The following TRDN variants were observed in gnomAD, a reference collection of about 807,000 sequenced individuals.
TRDN encodes the protein triadin in skeletal muscle.
A neutral mutation model predicts 149.7 loss-of-function variants in TRDN; 161 were observed. The ratio of observed to expected loss-of-function variants is 1.08; its 90% CI spans 0.95 to 1.23. The LOEUF (loss-of-function observed/expected upper bound fraction) is 1.23. Among genes scored for constraint, TRDN ranks in the 50% most tolerant of loss-of-function variants. TRDN has a pLI of 0.00. For synonymous variants in TRDN, 294 were observed against 250.5 expected, an observed-to-expected ratio of 1.17 and a Z score of -1.64; for missense variants, 896 against 823.5, an observed-to-expected ratio of 1.09 and a Z score of -1.08.
chr6:123,619,585 G>A (rs761649047), intron 1 of TRDN, among the ~76,000 whole-genome samples: 5 of 152,158 alleles, frequency 3.3e-5, no homozygotes, highest in Non-Finnish European at 5.9e-5. Flanking sequence ...ATACAAGTCT[G>A]TTTGTGTTTA....
At chr6:123,222,869 C>A (rs935492216) in intron 39 of TRDN, among the ~76,000 whole-genome samples, 5 of 151,710 alleles carry the variant, frequency 3.3e-5, no homozygotes, top group African/African-American at 9.7e-5. Flanking sequence ...TGAAGACATA[C>A]ATTCAATCAA....
rs567049204 is a variant in TRDN, at chr6:123,525,216, G to GA, written c.484+5289dup. 1.4e-3 allele frequency among the ~76,000 whole-genome samples: 210 copies of GA among 151,708 alleles called. 1 individual carries two copies. The highest frequency in any genetic ancestry group is 4.7e-3 in the African/African-American group (195 of 41,404). On this transcript the variant is annotated intron_variant, in intron 5 of 40. Coordinates refer to ENST00000334268, the MANE Select transcript of TRDN (RefSeq NM_006073.4). Reference sequence around the variant, plus strand: ...GCCACTATGAGGTATCTGCTCAAATGAAAAAAAATCATTATATAAAAAAGA... The same window carrying GA: ...GCCACTATGAGGTATCTGCTCAAATGAAAAAAAAATCATTATATAAAAAAGA...
At chr6:123,597,869 A>C (rs1007692617) in intron 1 of TRDN, among the ~76,000 whole-genome samples, 3 of 152,114 alleles carry the variant, frequency 2.0e-5, no homozygotes, top group African/African-American at 7.2e-5. Flanking sequence ...CCAAAGAATT[A>C]GTGTGATTTG....
At chr6:123,252,305 A>G (rs1776401521) in intron 38 of TRDN, 107 bp downstream of exon 38, 1 of 565,044 alleles carries the variant, frequency 1.8e-6, no homozygotes, top group South Asian at 4.1e-5. Flanking sequence ...TTCAGTTTAG[A>G]ATAAACTATA....
intron 12 of TRDN, among the ~76,000 whole-genome samples, chr6:123,437,821 T>C (rs1774655925): frequency 6.6e-6 from 1 of 152,142 alleles, no homozygotes; most frequent in South Asian, 2.1e-4. Flanking sequence ...CAAACATTCC[T>C]GCGTTTTTTT....
chr6:123,279,221 A>G lies in TRDN; in HGVS notation c.1511-139T>C, dbSNP rs1045524405. 1.3e-5 allele frequency: 9 copies of G among 684,338 alleles called. No homozygotes were observed. In the South Asian group the frequency reaches 2.2e-4, roughly 17 times the overall value. 42.4% of individuals were successfully genotyped at this position (684,338 alleles called of 1,614,324 possible). On this transcript the variant is annotated intron_variant, in intron 24 of 40. Transcript: ENST00000334268. ...ACCTATCCTTTTTTGTTGAAATTCT[A>G]TAGAATGTGTAACTTATGGCTAAGT... is the stretch of plus-strand genomic sequence containing the variant.
Position 123,618,783 on chromosome 6 carries a change from G to C in TRDN, c.22+17971C>G, listed in dbSNP as rs146705793. On this transcript the variant is annotated intron_variant, in intron 1 of 40. Coordinates refer to ENST00000334268, the MANE Select transcript of TRDN (RefSeq NM_006073.4). ...TTCACATTTGCAAAATTGTCAAGTT[G>C]TGTGACAACCTTAGTTGAGAATCTG... Among the ~76,000 whole-genome samples the C allele has an allele frequency of 8.0e-4, 122 of 152,224 alleles. 1 individual carries two copies. Among genetic ancestry groups the C allele is most frequent in the African/African-American group, 2.8e-3 (115 of 41,556 alleles).
intron 1 of TRDN, among the ~76,000 whole-genome samples, chr6:123,585,684 C>T (rs559913218): frequency 5.9e-5 from 9 of 152,206 alleles, no homozygotes; most frequent in South Asian, 4.1e-4. Flanking sequence ...ACAGATGGGA[C>T]GTGGCTTAGG....
At chr6:123,503,654 C>G (rs1778794145) in intron 8 of TRDN, 65 bp downstream of exon 8, 1 of 1,601,714 alleles carries the variant, frequency 6.2e-7, no homozygotes, top group Non-Finnish European at 8.5e-7. Flanking sequence ...TTTAATTTCA[C>G]TGCATGTGCT....
At chr6:123,275,198 T>C (rs753939380) in intron 26 of TRDN, among the ~76,000 whole-genome samples, 3 of 152,120 alleles carry the variant, frequency 2.0e-5, no homozygotes, top group Non-Finnish European at 4.4e-5. Context: ...TACCTAAGAA[T>C]GTAACCTTAT....
intron 35 of TRDN, among the ~76,000 whole-genome samples, chr6:123,256,823 T>C (rs1371750148): frequency 6.6e-6 from 1 of 152,092 alleles, no homozygotes; most frequent in Non-Finnish European, 1.5e-5. Flanking sequence ...TTTACTTTAA[T>C]TAGATCCCAT....
chr6:123,267,558 G>C, intron 32 of TRDN, 149 bp downstream of exon 32: 1 of 474,572 alleles, frequency 2.1e-6, no homozygotes, highest in Non-Finnish European at 3.7e-6. Context: ...TTGCCCTTAG[G>C]TCAGATAAAC....
At chr6:123,382,306 T>C (rs1781752776) in intron 14 of TRDN, among the ~76,000 whole-genome samples, 159 bp from the exon 15 acceptor site, 1 of 151,684 alleles carries the variant, frequency 6.6e-6, no homozygotes, top group Non-Finnish European at 1.5e-5. Flanking sequence ...CTGTTCTGTT[T>C]TGTGGGAATA....
chr6:123,439,078 T>A, intron 10 of TRDN, 75 bp from the exon 11 acceptor site: 2 of 1,210,546 alleles, frequency 1.7e-6, no homozygotes, highest in Non-Finnish European at 2.3e-6. Flanking sequence ...AATGAAGGAT[T>A]TTTGTTAAGT....
rs555172356 is a variant in TRDN at position 123,233,805 on chromosome 6, T to C, written c.1976-9674A>G. On this transcript the variant is annotated intron_variant, in intron 38 of 40. Transcript: ENST00000334268. ...GCAAAAATAAGAGACAGATGTTTTC[T>C]CTTTATTTTTTTATTTAATAATTGT... is the stretch of plus-strand genomic sequence containing the variant. 1.4e-4 allele frequency among the ~76,000 whole-genome samples: 21 copies of C among 150,680 alleles called. No individual in the cohort carries two copies. In the East Asian group the frequency reaches 3.9e-3, roughly 28 times the overall value.
At chr6:123,448,206 T>A (rs749088665) in intron 10 of TRDN, among the ~76,000 whole-genome samples, 22 of 152,082 alleles carry the variant, frequency 1.4e-4, no homozygotes, top group Non-Finnish European at 2.8e-4. Flanking sequence ...CTGAACTTTG[T>A]AACAATTTGA....
intron 5 of TRDN, among the ~76,000 whole-genome samples, chr6:123,526,206 T>C (rs1458365805): frequency 6.6e-6 from 1 of 152,040 alleles, no homozygotes; most frequent in Admixed American, 6.6e-5. Flanking sequence ...GTGTCTACTA[T>C]ACAGGTAAGC....
At chr6:123,516,762 A>C (rs1377537699) in intron 5 of TRDN, among the ~76,000 whole-genome samples, 3 of 152,112 alleles carry the variant, frequency 2.0e-5, no homozygotes, top group Admixed American at 2.0e-4. Context: ...CTCATCAATT[A>C]TTACAACAGG....
chr6:123,292,890 G>A (rs982798504), intron 24 of TRDN, among the ~76,000 whole-genome samples: 2 of 152,126 alleles, frequency 1.3e-5, no homozygotes, highest in Non-Finnish European at 1.5e-5. Flanking sequence ...CTTCCTGATT[G>A]TAATACTTCC....
Sources: gnomAD v4.1 joint callset for allele counts (sites outside exome capture counted in the v4.1 genomes callset) on GRCh38, gnomAD v4.1.1 for gene constraint, MANE v1.5 for transcripts, NCBI Gene and HGNC (gene_info 2026-07-23, HGNC 2026-07-21) for gene names.